The following ERC1 variants were observed in gnomAD, a reference collection of about 807,000 sequenced individuals.
ERC1 encodes RAB6 interacting protein 2.
In ERC1, 56 loss-of-function variants were observed where a neutral mutation model predicts 132.0. That is an observed-to-expected ratio of 0.42 (90% CI 0.34 to 0.53). The LOEUF (loss-of-function observed/expected upper bound fraction) is 0.53, where lower values mean the gene tolerates loss of function less well. Ranked by LOEUF, ERC1 falls within the 20% of genes least tolerant of loss-of-function variation. The pLI, the probability that ERC1 is intolerant of heterozygous loss-of-function variation, is 0.03. For synonymous variants in ERC1, 478 were observed against 476.1 expected, an observed-to-expected ratio of 1.00 and a Z score of -0.05; for missense variants, 1,202 against 1,349.9, an observed-to-expected ratio of 0.89 and a Z score of 1.72.
chr12:1,383,649 G>A (rs1591663125), intron 16 of ERC1, among the ~76,000 whole-genome samples: 1 of 152,130 alleles, frequency 6.6e-6, no homozygotes, highest in East Asian at 1.9e-4. Context: ...CACAAAAAAA[G>A]CGAATGTGGA....
At chr12:1,288,823 G>C (rs2079211861) in intron 14 of ERC1, among the ~76,000 whole-genome samples, 2 of 152,058 alleles carry the variant, frequency 1.3e-5, no homozygotes, top group Non-Finnish European at 1.5e-5. Context: ...GATGCAGTTG[G>C]CTGTTTGATT....
intron 7 of ERC1, among the ~76,000 whole-genome samples, chr12:1,117,604 T>TAC (rs1256657414): frequency 1.3e-5 from 2 of 152,218 alleles, no homozygotes; most frequent in African/African-American, 4.8e-5. Context: ...TCAACTTCCT[T>TAC]ACACTTCACT....
In ERC1 at chr12:1,116,029, C is replaced by G. The variant is rs759688342; in HGVS notation, c.1565C>G (p.Thr522Ser). 5 of 1,610,456 alleles carry G rather than the reference C, an allele frequency of 3.1e-6. No homozygotes were observed. The highest frequency in any genetic ancestry group is 1.7e-5 in the Admixed American group (1 of 59,552). The change falls in exon 7 of 19, where the codon ACT (threonine) becomes AGT (serine). Residue 522 changes from threonine to serine, a missense_variant. Coordinates refer to ENST00000360905, the MANE Select transcript of ERC1 (RefSeq NM_178040.4). ...AKEQRAAILQ[T>S]EVDALRLRLE... ...GAGCAGAGGGCTGCCATCCTGCAGA[C>G]TGAGGTAGAAACAATTCTGGGATTT...
intron 2 of ERC1, among the ~76,000 whole-genome samples, chr12:1,036,522 A>C (rs1300761220): frequency 6.6e-6 from 1 of 151,420 alleles, no homozygotes; most frequent in Non-Finnish European, 1.5e-5. Context: ...CTGCAGGTGC[A>C]CGCCACCACG....
Position 1,122,547 on chromosome 12 carries a change from GT to G in ERC1, c.1569+6515del, listed in dbSNP as rs1566021128. Among the ~76,000 whole-genome samples, 13 of 8,944 alleles carry G rather than the reference GT, an allele frequency of 1.5e-3. 4 individuals are homozygous for G. The highest frequency in any genetic ancestry group is 2.8e-3 in the Admixed American group (3 of 1,062). The allele number at this position is 8,944 out of a possible 152,430, so 5.9% of individuals were successfully genotyped here. A position where few individuals can be genotyped will look rare whatever the true frequency, so the allele number is the denominator to read the frequency against. ...TATCTCTATCTCTATCTCTATCTGT[GT>G]CTCTATCTCTATCTCTATCTGTGTC... On this transcript the variant is annotated intron_variant, in intron 7 of 18. Transcript: ENST00000360905.
intron 1 of ERC1, among the ~76,000 whole-genome samples, chr12:1,017,084 C>A (rs916772500): frequency 2.0e-5 from 3 of 152,164 alleles, no homozygotes; most frequent in Admixed American, 6.5e-5. Flanking sequence ...GCAGCCTCCA[C>A]ATCCTGGGTT....
chr12:1,342,678 T>C (rs1760770080), intron 15 of ERC1, among the ~76,000 whole-genome samples: 1 of 152,146 alleles, frequency 6.6e-6, no homozygotes, highest in South Asian at 2.1e-4. Context: ...GCGCGTATTC[T>C]TAGTTGATAA....
At chr12:1,246,479 A>T (rs77330964) in intron 13 of ERC1, among the ~76,000 whole-genome samples, 2,092 of 152,356 alleles carry the variant, frequency 0.014, 51 homozygotes, top group African/African-American at 0.047. Flanking sequence ...ATAAGTATAG[A>T]TGGAAATAGA....
At chr12:1,112,340 A>C in intron 6 of ERC1, 42 bp downstream of exon 6, 2 of 1,407,874 alleles carry the variant, frequency 1.4e-6, no homozygotes, top group Non-Finnish European at 2.0e-6. Flanking sequence ...CAGTGGTCCC[A>C]CAGTGGGACC....
At chr12:1,162,340 A>G (rs1951957902) in intron 8 of ERC1, among the ~76,000 whole-genome samples, 1 of 152,206 alleles carries the variant, frequency 6.6e-6, no homozygotes, top group South Asian at 2.1e-4. Context: ...TCTGTGTTAA[A>G]ATTGTACAGC....
At chr12:1,153,678 A>G (rs1049415858) in intron 8 of ERC1, among the ~76,000 whole-genome samples, 1 of 152,250 alleles carries the variant, frequency 6.6e-6, no homozygotes, top group Non-Finnish European at 1.5e-5. Context: ...GGAGAAGGGA[A>G]AACAAACGGA....
intron 18 of ERC1, among the ~76,000 whole-genome samples, chr12:1,489,097 C>CT: frequency 6.6e-6 from 1 of 152,310 alleles, no homozygotes; most frequent in Non-Finnish European, 1.5e-5. Context: ...CTGGCCCTCG[C>CT]GTGTGTTTTC....
intron 2 of ERC1, among the ~76,000 whole-genome samples, chr12:1,029,318 C>T (rs1967540990): frequency 6.6e-6 from 1 of 152,086 alleles, no homozygotes; most frequent in South Asian, 2.1e-4. Context: ...CGCCACTGCA[C>T]TCCAGTCTGG....
chr12:1,395,784 A>AG (rs34007388), intron 16 of ERC1, among the ~76,000 whole-genome samples: 45,183 of 151,914 alleles, frequency 0.3, 6,907 homozygotes, highest in Middle Eastern at 0.35. Flanking sequence ...ACCAAAAAAA[A>AG]TTTTTTTTAT....
chr12:1,114,477 T>C (rs1348672042), intron 6 of ERC1, among the ~76,000 whole-genome samples: 2 of 139,656 alleles, frequency 1.4e-5, no homozygotes, highest in African/African-American at 5.6e-5. Context: ...GAAATTTGAA[T>C]AATCTTAGTC....
intron 12 of ERC1, among the ~76,000 whole-genome samples, chr12:1,197,722 C>T (rs1258959842): frequency 6.6e-6 from 1 of 152,114 alleles, no homozygotes; most frequent in Non-Finnish European, 1.5e-5. Flanking sequence ...CTAGCATTGG[C>T]GTTTATCTAT....
intron 8 of ERC1, among the ~76,000 whole-genome samples, chr12:1,148,390 C>T (rs1376555202): frequency 6.6e-6 from 1 of 152,102 alleles, no homozygotes; most frequent in Admixed American, 6.5e-5. Flanking sequence ...CACACACACA[C>T]ACATATCATG....
At chr12:1,329,501 C>T (rs1188946553) in intron 15 of ERC1, among the ~76,000 whole-genome samples, 2 of 151,226 alleles carry the variant, frequency 1.3e-5, no homozygotes, top group African/African-American at 4.9e-5. Context: ...TTACGTTTTC[C>T]ATGTATATAT....
Position 1,028,469 on chromosome 12 carries a change from T to G in ERC1, c.566T>G (p.Phe189Cys). ...LSSSMNSIKT[F>C]WSPELKKERA... is the part of the protein sequence containing the mutation. ...TCTTCAATGAATAGCATCAAGACCT[T>G]CTGGAGCCCAGAGCTGAAGAAGGAA... Residue 189 changes from phenylalanine (F) to cysteine (C), a missense_variant, in exon 2 of 19, where the codon TTC (phenylalanine) becomes TGC (cysteine). Physicochemically the swap from Phe to Cys is radical, Grantham distance 205 (BLOSUM62 -2). Transcript: ENST00000360905. 6.2e-7 allele frequency: 1 copy of G among 1,614,096 alleles called. No individual in the cohort carries two copies. The highest frequency in any genetic ancestry group is 1.7e-5 in the Admixed American group (1 of 60,014).
Sources: allele counts gnomAD v4.1 joint callset (sites outside exome capture counted in the v4.1 genomes callset), GRCh38; gene constraint gnomAD v4.1.1; transcripts MANE v1.5; gene names NCBI Gene and HGNC (gene_info 2026-07-23, HGNC 2026-07-21).